The following TMEM247 variants were observed in gnomAD, a reference collection of about 807,000 sequenced individuals.
TMEM247 encodes the protein transmembrane protein 247.
Under a neutral mutation model 20.7 loss-of-function variants are expected in TMEM247, and 23 were observed. That is an observed-to-expected ratio of 1.11 (90% CI 0.80 to 1.57). The LOEUF is 1.57. Among genes scored for constraint, TMEM247 ranks in the 40% most tolerant of loss-of-function variants. The pLI is 0.00. For missense variants in TMEM247, 354 were observed against 283.8 expected, an observed-to-expected ratio of 1.25 and a Z score of -1.78; for synonymous variants, 106 against 111.9, an observed-to-expected ratio of 0.95 and a Z score of 0.33.
intron 2 of TMEM247, among the ~76,000 whole-genome samples, chr2:46,482,180 A>G (rs1686902519): frequency 6.6e-6 from 1 of 152,244 alleles, no homozygotes; most frequent in Non-Finnish European, 1.5e-5. Flanking sequence ...TTCATTATAA[A>G]CATGAAATGA....
exon 1 of TMEM247, chr2:46,479,632 A>T: frequency 6.4e-7 from 1 of 1,551,650 alleles, no homozygotes; most frequent in Non-Finnish European, 8.7e-7. Flanking sequence ...GGTGCGGGAG[A>T]AAGTTGCCCG....
At chr2:46,484,383 T>C (rs2103786032) in exon 3 of TMEM247, 5 of 1,552,318 alleles carry the variant, frequency 3.2e-6, no homozygotes, top group Middle Eastern at 3.3e-4. Context: ...CTATTCTGCA[T>C]TGCAGCCATT....
chr2:46,483,199 A>G (rs1405127587), intron 2 of TMEM247, among the ~76,000 whole-genome samples: 1 of 152,234 alleles, frequency 6.6e-6, no homozygotes, highest in Non-Finnish European at 1.5e-5. Flanking sequence ...GATCAAAATA[A>G]TATCAGCTTT....
chr2:46,483,005 T>C (rs1686917804), intron 2 of TMEM247, among the ~76,000 whole-genome samples: 1 of 152,192 alleles, frequency 6.6e-6, no homozygotes, highest in South Asian at 2.1e-4. Flanking sequence ...CTCTTCTCTT[T>C]TTCTGGGAGG....
At chr2:46,480,666 C>G (rs1216769391) in exon 2 of TMEM247, 13 of 1,551,668 alleles carry the variant, frequency 8.4e-6, no homozygotes, top group Non-Finnish European at 1.0e-5. Flanking sequence ...GAAGAACCAG[C>G]GGCAGCGGCA....
chr2:46,482,255 C>T (rs1490532907), intron 2 of TMEM247, among the ~76,000 whole-genome samples: 1 of 152,212 alleles, frequency 6.6e-6, no homozygotes, highest in African/African-American at 2.4e-5. Flanking sequence ...CCCCCACACC[C>T]TTTTTGAAAA....
At chr2:46,480,626 C>G in exon 2 of TMEM247, 1 of 1,392,246 alleles carries the variant, frequency 7.2e-7, no homozygotes, top group East Asian at 4.0e-5. Context: ...GCATGGAGTT[C>G]GAGCTCACGC....
exon 1 of TMEM247, chr2:46,479,677 C>A: frequency 2.6e-6 from 4 of 1,551,714 alleles, no homozygotes; most frequent in Non-Finnish European, 3.5e-6. Flanking sequence ...GACTCCAAGT[C>A]TGAAGGGAAG....
In TMEM247 at chr2:46,480,559, A is replaced by G. The variant is rs72875605; in HGVS notation, c.272A>G (p.Glu91Gly). 2,002 of 1,551,686 alleles carry G rather than the reference A, an allele frequency of 1.3e-3. 27 individuals carry two copies. The African/African-American group carries it at 0.022, about 17-fold the overall frequency. The stretch of plus-strand genomic sequence containing the variant: ...GCTGGCGACGGACCCAAACCCGCAG[A>G]GCTGCCCCCGACCCCTGGGACTGAG... The change falls in exon 2 of 3, where the codon GAG becomes GGG. Residue 91 changes from glutamate to glycine, a missense_variant. Transcript: ENST00000434431.
intron 2 of TMEM247, among the ~76,000 whole-genome samples, chr2:46,481,167 T>C (rs1686881356): frequency 6.6e-6 from 1 of 152,132 alleles, no homozygotes; most frequent in South Asian, 2.1e-4. Context: ...CCTCTCTGCA[T>C]CTCTTAAAAT....
chr2:46,480,538 G>C (rs775624069), exon 2 of TMEM247: 3 of 1,551,746 alleles, frequency 1.9e-6, no homozygotes, highest in South Asian at 2.4e-5. Flanking sequence ...GGCCAGGCTG[G>C]CGACGGACCC....
chr2:46,482,028 C>G (rs1187083802), intron 2 of TMEM247, among the ~76,000 whole-genome samples: 2 of 152,208 alleles, frequency 1.3e-5, no homozygotes, highest in African/African-American at 4.8e-5. Flanking sequence ...ATTACATTAC[C>G]TATAGCATTT....
chr2:46,480,319 C>T, intron 1 of TMEM247, 86 bp from the exon 2 acceptor site: 1 of 1,395,134 alleles, frequency 7.2e-7, no homozygotes, highest in South Asian at 1.5e-5. Context: ...CCACTGCGGC[C>T]TGGGGCTGCG....
chr2:46,479,703 G>A lies in TMEM247; in HGVS notation c.117+1G>A, dbSNP rs1181957013. On this transcript the variant is annotated splice_donor_variant, in intron 1 of 2. Coordinates refer to ENST00000434431, the Ensembl canonical transcript of TMEM247. LOFTEE classifies it high-confidence loss of function. ...TGAAGGGAAGCCAAGGGCTTATCTG[G>A]TAAGGGGGCTGCTGTGTCTCACCAC... 1.3e-6 allele frequency: 2 copies of A among 1,546,538 alleles called. No individual in the cohort carries two copies. The highest frequency in any genetic ancestry group is 3.9e-5 in the Admixed American group (2 of 50,956).
intron 2 of TMEM247, among the ~76,000 whole-genome samples, chr2:46,483,069 G>A (rs114782665): frequency 0.012 from 1,768 of 152,240 alleles, 21 homozygotes; most frequent in Non-Finnish European, 0.014. Context: ...ACCTCTTTGA[G>A]TGTGTTTCTA....
At chr2:46,479,816 T>G in intron 1 of TMEM247, 114 bp downstream of exon 1, 1 of 748,494 alleles carries the variant, frequency 1.3e-6, no homozygotes, top group African/African-American at 1.7e-5. Flanking sequence ...TCAGGTGACA[T>G]GTACCCCAGC....
chr2:46,480,567 C>G (rs1182577834), exon 2 of TMEM247: 3 of 1,551,694 alleles, frequency 1.9e-6, no homozygotes, highest in Non-Finnish European at 2.6e-6. Flanking sequence ...AGAGCTGCCC[C>G]CGACCCCTGG....
chr2:46,480,857 G>A (rs1686874449), intron 2 of TMEM247, 93 bp downstream of exon 2: 3 of 1,422,700 alleles, frequency 2.1e-6, no homozygotes, highest in East Asian at 2.5e-5. Context: ...CCTGCTTTGC[G>A]CGGCACCCCA....
intron 2 of TMEM247, 57 bp downstream of exon 2, chr2:46,480,821 G>C (rs1237964457): frequency 6.7e-7 from 1 of 1,491,934 alleles, no homozygotes; most frequent in East Asian, 2.5e-5. Context: ...GAAGTCCCAT[G>C]GGGCCTGGAG....
Sources: gnomAD v4.1 joint callset for allele counts (sites outside exome capture counted in the v4.1 genomes callset) on GRCh38, gnomAD v4.1.1 for gene constraint, MANE v1.5 for transcripts, NCBI Gene and HGNC (gene_info 2026-07-23, HGNC 2026-07-21) for gene names.